MARCHF1: variants seen among roughly 807,000 people sequenced by gnomAD.
MARCHF1 encodes membrane associated ring-CH-type finger 1.
Under a neutral mutation model 54.2 loss-of-function variants are expected in MARCHF1, and 40 were observed. The ratio of observed to expected loss-of-function variants is 0.74; its 90% CI spans 0.57 to 0.96. MARCHF1 has a LOEUF of 0.96. MARCHF1 is among the 40% of genes least tolerant of loss of function. MARCHF1 has a pLI of 0.00. For synonymous variants in MARCHF1, 236 were observed against 236.3 expected (o/e 1.00, Z 0.01); for missense variants, 586 against 656.5 (o/e 0.89, Z 1.17).
chr4:164,106,832 A>T (rs905323480), intron 2 of MARCHF1, among the ~76,000 whole-genome samples: 1 of 152,198 alleles, frequency 6.6e-6, no homozygotes, highest in East Asian at 1.9e-4. Flanking sequence ...GACTCTTCAG[A>T]CTTTTTCCCT....
chr4:163,746,012 C>T (rs1484790573), intron 4 of MARCHF1, among the ~76,000 whole-genome samples: 1 of 152,152 alleles, frequency 6.6e-6, no homozygotes, highest in African/African-American at 2.4e-5. Context: ...CGTACACTGA[C>T]ACATCACCCA....
At chr4:163,843,959 A>AT (rs1051267600) in intron 4 of MARCHF1, among the ~76,000 whole-genome samples, 3 of 147,412 alleles carry the variant, frequency 2.0e-5, no homozygotes, top group Non-Finnish European at 3.0e-5. Context: ...CCCCTTGCTC[A>AT]TTTTTTTTCA....
At chr4:163,865,638 T>A (rs901374818) in intron 3 of MARCHF1, among the ~76,000 whole-genome samples, 3 of 151,832 alleles carry the variant, frequency 2.0e-5, no homozygotes, top group African/African-American at 7.2e-5. Context: ...GAAAGACCTA[T>A]GGCTTTATAA....
At chr4:163,853,111 C>A (rs1489773790) in intron 4 of MARCHF1, among the ~76,000 whole-genome samples, 1 of 152,068 alleles carries the variant, frequency 6.6e-6, no homozygotes, top group African/African-American at 2.4e-5. Flanking sequence ...TTATAAGTTA[C>A]CAGTTTATGG....
At chr4:163,987,881 G>A (rs953022478) in intron 3 of MARCHF1, among the ~76,000 whole-genome samples, 2 of 152,194 alleles carry the variant, frequency 1.3e-5, no homozygotes, top group African/African-American at 4.8e-5. Flanking sequence ...CTCACCGTAA[G>A]AAGTTGAAAA....
intron 1 of MARCHF1, among the ~76,000 whole-genome samples, chr4:164,369,036 A>G (rs1187276227): frequency 6.6e-6 from 1 of 151,970 alleles, no homozygotes; most frequent in Non-Finnish European, 1.5e-5. Context: ...ATCCAGAGCA[A>G]GGGTCCATCA....
chr4:164,034,807 T>A (rs9994114), intron 2 of MARCHF1, among the ~76,000 whole-genome samples: 2 of 152,140 alleles, frequency 1.3e-5, no homozygotes, highest in Non-Finnish European at 2.9e-5. Context: ...ATGTAACACT[T>A]TTTACTTCTC....
At chr4:164,189,112 G>A (rs1475418663) in intron 1 of MARCHF1, 8 of 657,400 alleles carry the variant, frequency 1.2e-5, no homozygotes, top group South Asian at 5.0e-5. Context: ...CGGAGTCGTG[G>A]CCACTAATGG....
At chr4:163,784,140 C>CTTTTTTTTTTT (rs397796838) in intron 4 of MARCHF1, among the ~76,000 whole-genome samples, 1 of 142,912 alleles carries the variant, frequency 7.0e-6, no homozygotes. Context: ...AGCAGAAATT[C>CTTTTTTTTTTT]TTTTTTTTTT....
Position 164,375,686 on chromosome 4 carries a change from C to T in MARCHF1, c.-323+8184G>A, listed in dbSNP as rs550337638. The stretch of plus-strand genomic sequence containing the variant: ...CCCCTACTACATGCACATACACATG[C>T]ACACACACATGTACAATTAATTCCT... On this transcript the variant is annotated intron_variant, in intron 1 of 9. Coordinates refer to ENST00000514618, the MANE Select transcript of MARCHF1 (RefSeq NM_001394959.1). 2.0e-5 allele frequency among the ~76,000 whole-genome samples: 3 copies of T among 152,280 alleles called. No individual in the cohort carries two copies. The South Asian group carries it at 6.2e-4, about 32-fold the overall frequency.
At chr4:164,208,869 A>AC (rs2111111128) in intron 1 of MARCHF1, among the ~76,000 whole-genome samples, 1 of 151,860 alleles carries the variant, frequency 6.6e-6, no homozygotes, top group East Asian at 1.9e-4. Context: ...GAAACACTTG[A>AC]CCCCCAGGAG....
chr4:164,090,161 A>C (rs1448486685), intron 2 of MARCHF1, among the ~76,000 whole-genome samples: 1 of 152,044 alleles, frequency 6.6e-6, no homozygotes, highest in Non-Finnish European at 1.5e-5. Flanking sequence ...AATACGTGTA[A>C]ATTAAATTGA....
At chr4:163,809,322 G>A (rs1748319082) in intron 4 of MARCHF1, among the ~76,000 whole-genome samples, 1 of 152,140 alleles carries the variant, frequency 6.6e-6, no homozygotes, top group South Asian at 2.1e-4. Context: ...AAACCAAGAG[G>A]TTTGAGAAAA....
rs181833731 is a variant in MARCHF1, at chr4:164,365,077, G to A, written c.-323+18793C>T. ...GAGTTGACATCCAGTTAACCAGGCT[G>A]ATTACTATGTCTTCATCATTCCCTG... On this transcript the variant is annotated intron_variant, in intron 1 of 9. Transcript: ENST00000514618. Among the ~76,000 whole-genome samples, 730 of 152,060 alleles carry A rather than the reference G, an allele frequency of 4.8e-3. 5 individuals carry two copies. Among genetic ancestry groups the A allele is most frequent in the African/African-American group, 0.016 (669 of 41,530 alleles).
chr4:164,005,454 T>C (rs1276119597), intron 2 of MARCHF1, among the ~76,000 whole-genome samples: 1 of 152,116 alleles, frequency 6.6e-6, no homozygotes, highest in Non-Finnish European at 1.5e-5. Flanking sequence ...GAGCAGATGG[T>C]AGGATAGTTG....
chr4:163,956,910 C>T (rs1752243408), intron 3 of MARCHF1, among the ~76,000 whole-genome samples: 1 of 152,028 alleles, frequency 6.6e-6, no homozygotes, highest in Non-Finnish European at 1.5e-5. Context: ...CAGCAAGAGT[C>T]CCTATGGCTA....
intron 1 of MARCHF1, among the ~76,000 whole-genome samples, chr4:164,270,336 C>T (rs1027945346): frequency 6.6e-6 from 1 of 152,162 alleles, no homozygotes; most frequent in South Asian, 2.1e-4. Context: ...CCTGCCCACC[C>T]TATTTAAATT....
rs780940176 is a variant in MARCHF1, at chr4:163,753,247, C to T, written c.112-52384G>A. Among the ~76,000 whole-genome samples the T allele has an allele frequency of 5.9e-5, 9 of 151,604 alleles. No homozygotes were observed. In the South Asian group the frequency reaches 6.2e-4, roughly 11 times the overall value. On this transcript the variant is annotated intron_variant, in intron 4 of 9. Transcript: ENST00000514618. ...CAGGAAATGCCTTTTCCTGAACCTA[C>T]GATTGCTTTTTTTTCTATTATTATT...
chr4:163,639,930 T>C (rs1191352488), intron 5 of MARCHF1, among the ~76,000 whole-genome samples: 1 of 152,156 alleles, frequency 6.6e-6, no homozygotes, highest in Non-Finnish European at 1.5e-5. Context: ...GGAATTCTTA[T>C]GGCATGTTCT....
Sources: allele counts gnomAD v4.1 joint callset (sites outside exome capture counted in the v4.1 genomes callset), GRCh38; gene constraint gnomAD v4.1.1; transcripts MANE v1.5; gene names NCBI Gene and HGNC (gene_info 2026-07-23, HGNC 2026-07-21).